PRICKLE2: variants seen among roughly 807,000 people sequenced by gnomAD.
PRICKLE2 encodes prickle-like protein 2.
PRICKLE2 carries 21 observed loss-of-function variants against 81.4 expected under a neutral mutation model. The observed-to-expected ratio is 0.26, with a 90% CI of 0.18 to 0.37. The LOEUF is 0.37. PRICKLE2 is among the 10% of genes least tolerant of loss of function. The probability of loss-of-function intolerance (pLI) is 1.00; values close to 1 mark genes in which losing one functional copy is unlikely to be tolerated. For synonymous variants in PRICKLE2, 456 were observed against 421.5 expected, an observed-to-expected ratio of 1.08 and a Z score of -1.00; for missense variants, 940 against 1,109.0, an observed-to-expected ratio of 0.85 and a Z score of 2.16.
intron 1 of PRICKLE2, chr3:64,200,391 C>T (rs2078549642): frequency 6.6e-6 from 1 of 152,146 alleles, no homozygotes; most frequent in African/African-American, 2.4e-5. Flanking sequence ...CTATTTTCAC[C>T]TATGGCTTTT....
Position 64,093,692 on chromosome 3 carries a change from A to G in PRICKLE2, c.*5359T>C, listed in dbSNP as rs1436133733. ...TCTGCAACCGAGAATTAACTAGCACAAGACGTCAATATTGCTGAGGCTTAG... is the reference window on the plus strand; with the variant it reads ...TCTGCAACCGAGAATTAACTAGCACGAGACGTCAATATTGCTGAGGCTTAG... On this transcript the variant is annotated 3_prime_UTR_variant, in exon 8 of 8. Coordinates refer to ENST00000638394, the MANE Select transcript of PRICKLE2 (RefSeq NM_198859.4). 6.6e-6 allele frequency: 1 copy of G among 152,178 alleles called. No individual in the cohort carries two copies. The highest frequency in any genetic ancestry group is 1.5e-5 in the Non-Finnish European group (1 of 68,040). 9.4% of individuals were successfully genotyped at this position (152,178 alleles called of 1,614,324 possible). A position where few individuals can be genotyped will look rare whatever the true frequency, so the allele number is the denominator to read the frequency against.
chr3:64,147,835 C>T lies in PRICKLE2; in HGVS notation c.788-133G>A. 1.1e-6 allele frequency: 1 copy of T among 925,790 alleles called. No individual in the cohort carries two copies. The highest frequency in any genetic ancestry group is 1.4e-5 in the South Asian group (1 of 71,734). 57.3% of individuals were successfully genotyped at this position (925,790 alleles called of 1,614,324 possible). On this transcript the variant is annotated intron_variant, in intron 6 of 7. Transcript: ENST00000638394. This position sits in a 1 kb window ranked among gnomAD's most constrained non-coding sequence, Gnocchi z 5.0. ...GATAAACTGTCAATAAATCAACAAT[C>T]AGACCCTTATGTAAATGGTATTCAC...
upstream of PRICKLE2, among the ~76,000 whole-genome samples, chr3:64,226,971 C>T (rs572614329): frequency 3.9e-4 from 59 of 152,366 alleles, no homozygotes; most frequent in African/African-American, 7.9e-4. Context: ...CACACTCCCC[C>T]GCCTGGGGAA....
At chr3:64,159,198 C>T (rs1559547384) in intron 4 of PRICKLE2, among the ~76,000 whole-genome samples, 1 of 152,136 alleles carries the variant, frequency 6.6e-6, no homozygotes, top group Non-Finnish European at 1.5e-5. Flanking sequence ...TCCCCTGAAC[C>T]CACTCTCACC....
At chr3:64,112,601 G>A (rs1373467410) in intron 7 of PRICKLE2, among the ~76,000 whole-genome samples, 1 of 152,230 alleles carries the variant, frequency 6.6e-6, no homozygotes, top group Non-Finnish European at 1.5e-5. Context: ...GGGTGCAAAT[G>A]TGATGTAGTT....
chr3:64,225,654 T>C (rs2079021208), upstream of PRICKLE2, among the ~76,000 whole-genome samples: 1 of 151,976 alleles, frequency 6.6e-6, no homozygotes. Flanking sequence ...CCCAGCTACG[T>C]AACCTCCAAA....
At chr3:64,191,283 T>C (rs1260030989) in intron 2 of PRICKLE2, among the ~76,000 whole-genome samples, 2 of 152,176 alleles carry the variant, frequency 1.3e-5, no homozygotes, top group Non-Finnish European at 2.9e-5. Flanking sequence ...TTGAGCTGAC[T>C]CAGGGCAATA....
intron 7 of PRICKLE2, among the ~76,000 whole-genome samples, chr3:64,109,339 T>C (rs116769775): frequency 1.3e-5 from 2 of 152,364 alleles, no homozygotes; most frequent in South Asian, 4.1e-4. Context: ...TGCTGTCTAA[T>C]TTTCCTGGCA....
At chr3:64,122,134 A>G (rs1342014361) in intron 7 of PRICKLE2, among the ~76,000 whole-genome samples, 1 of 152,196 alleles carries the variant, frequency 6.6e-6, no homozygotes, top group Non-Finnish European at 1.5e-5. Flanking sequence ...GAATGCTGCC[A>G]GAGAGGTCAG....
intron 2 of PRICKLE2, among the ~76,000 whole-genome samples, chr3:64,238,060 C>T (rs531531150): frequency 3.3e-5 from 5 of 152,292 alleles, no homozygotes; most frequent in African/African-American, 1.2e-4. Context: ...GGCCTTGCAG[C>T]CACCATCTTG....
At chr3:64,221,667 GA>G (rs2078957076) in intron 1 of PRICKLE2, among the ~76,000 whole-genome samples, 2 of 152,286 alleles carry the variant, frequency 1.3e-5, no homozygotes, top group Middle Eastern at 6.8e-3. Flanking sequence ...AATGAACAGA[GA>G]AAGGTTTCAG....
intron 2 of PRICKLE2, among the ~76,000 whole-genome samples, chr3:64,235,261 C>T (rs532320728): frequency 6.6e-6 from 1 of 152,280 alleles, no homozygotes; most frequent in African/African-American, 2.4e-5. Context: ...ATATTCTCTA[C>T]TTGATGAGAT....
chr3:64,122,008 C>T (rs1474799991), intron 7 of PRICKLE2, among the ~76,000 whole-genome samples: 1 of 152,174 alleles, frequency 6.6e-6, no homozygotes, highest in East Asian at 1.9e-4. Flanking sequence ...CACCCATTAT[C>T]AGATCAGTGT....
intron 7 of PRICKLE2, among the ~76,000 whole-genome samples, chr3:64,109,648 T>A (rs1392920708): frequency 6.6e-6 from 1 of 152,232 alleles, no homozygotes; most frequent in African/African-American, 2.4e-5. Flanking sequence ...CCCCCAGGCT[T>A]GGCCTGCCTT....
At chr3:64,186,170 T>C (rs191144879) in intron 2 of PRICKLE2, among the ~76,000 whole-genome samples, 3 of 152,248 alleles carry the variant, frequency 2.0e-5, no homozygotes, top group Non-Finnish European at 4.4e-5. Context: ...TGTTTATCCA[T>C]GTACCTGTGG....
At chr3:64,129,507 G>C (rs1449856939) in intron 7 of PRICKLE2, among the ~76,000 whole-genome samples, 2 of 152,098 alleles carry the variant, frequency 1.3e-5, no homozygotes, top group Non-Finnish European at 2.9e-5. Context: ...AAAAATTCGG[G>C]AATGCTGGGG....
chr3:64,193,507 T>C (rs1395847802), intron 2 of PRICKLE2, among the ~76,000 whole-genome samples: 1 of 151,826 alleles, frequency 6.6e-6, no homozygotes, highest in Non-Finnish European at 1.5e-5. Context: ...TGCAGAAAAA[T>C]GTTCACAATA....
intron 7 of PRICKLE2, among the ~76,000 whole-genome samples, chr3:64,134,561 T>C (rs1447903262): frequency 6.6e-6 from 1 of 150,640 alleles, no homozygotes; most frequent in Non-Finnish European, 1.5e-5. Flanking sequence ...GATCTCTACC[T>C]ACCAGACGCC....
intron 7 of PRICKLE2, among the ~76,000 whole-genome samples, chr3:64,111,648 A>G (rs1035471947): frequency 6.6e-6 from 1 of 152,260 alleles, no homozygotes; most frequent in African/African-American, 2.4e-5. Flanking sequence ...TCATAAAGTA[A>G]AAGATACCAG....
Sources: allele counts gnomAD v4.1 joint callset (sites outside exome capture counted in the v4.1 genomes callset), GRCh38; gene constraint gnomAD v4.1.1; non-coding constraint Gnocchi (gnomAD v3.1); transcripts MANE v1.5; gene names NCBI Gene and HGNC (gene_info 2026-07-23, HGNC 2026-07-21).